Variants in GLI3 observed in about 807,000 individuals in gnomAD.
GLI3 encodes the protein GLI family zinc finger 3.
A neutral mutation model predicts 100.8 loss-of-function variants in GLI3; 20 were observed. That is an observed-to-expected ratio of 0.20 (90% CI 0.14 to 0.29). GLI3 has a LOEUF of 0.29. Ranked by LOEUF, GLI3 falls within the 10% of genes least tolerant of loss-of-function variation. The pLI is 1.00. For synonymous variants in GLI3, 938 were observed against 860.5 expected, an observed-to-expected ratio of 1.09 and a Z score of -1.58; for missense variants, 2,040 against 2,128.5, an observed-to-expected ratio of 0.96 and a Z score of 0.82.
Position 41,962,162 on chromosome 7 carries a change from A to G in GLI3, c.*2168T>C, listed in dbSNP as rs550811338. 6.6e-6 allele frequency: 1 copy of G among 152,356 alleles called. No individual in the cohort carries two copies. The highest frequency in any genetic ancestry group is 1.9e-4 in the East Asian group (1 of 5,180). The allele number at this position is 152,356 out of a possible 1,614,324, so 9.4% of individuals were successfully genotyped here. A position where few individuals can be genotyped will look rare whatever the true frequency, so the allele number is the denominator to read the frequency against. The stretch of plus-strand genomic sequence containing the variant: ...GGTTGCATCCGAGAATACTACTGGA[A>G]GAGCCCTCTGATGGAGGAGGTCAGC... On this transcript the variant is annotated 3_prime_UTR_variant, in exon 15 of 15. Coordinates refer to ENST00000395925, the MANE Select transcript of GLI3 (RefSeq NM_000168.6).
At chr7:41,999,281 A>C (rs1788220670) in intron 10 of GLI3, among the ~76,000 whole-genome samples, 1 of 151,202 alleles carries the variant, frequency 6.6e-6, no homozygotes, top group Admixed American at 6.6e-5. Context: ...AGCACTGAAA[A>C]CTCACCCCAC....
chr7:42,107,306 G>A (rs983957272), intron 3 of GLI3, among the ~76,000 whole-genome samples: 1 of 152,130 alleles, frequency 6.6e-6, no homozygotes, highest in African/African-American at 2.4e-5. Context: ...CTCCAGCCTG[G>A]GCGACAGTGA....
At chr7:42,166,892 C>A (rs1176693236) in intron 2 of GLI3, among the ~76,000 whole-genome samples, 1 of 151,336 alleles carries the variant, frequency 6.6e-6, no homozygotes, top group Non-Finnish European at 1.5e-5. Context: ...ATGAGGTGAT[C>A]TCGGCTCACT....
At chr7:41,995,798 G>A (rs535413750) in intron 10 of GLI3, among the ~76,000 whole-genome samples, 1 of 152,316 alleles carries the variant, frequency 6.6e-6, no homozygotes, top group East Asian at 1.9e-4. Flanking sequence ...AAAACCGAAA[G>A]CATCCATGCA....
rs924044075 is a variant in GLI3, at chr7:42,045,308, T to C, written c.826+76A>G. On this transcript the variant is annotated intron_variant, in intron 6 of 14. Coordinates refer to ENST00000395925, the MANE Select transcript of GLI3 (RefSeq NM_000168.6). ...CAAAAAGTTACACAATCACCTAATC[T>C]TTGTATCTTCTTCTCTGTTTCATAA... 3.0e-6 allele frequency: 4 copies of C among 1,354,544 alleles called. No homozygotes were observed. In the African/African-American group the frequency reaches 5.7e-5, roughly 19 times the overall value. 83.9% of individuals were successfully genotyped at this position (1,354,544 alleles called of 1,614,324 possible). A position where few individuals can be genotyped will look rare whatever the true frequency, so the allele number is the denominator to read the frequency against.
chr7:42,229,423 A>G (rs545289159), intron 1 of GLI3, among the ~76,000 whole-genome samples: 2 of 152,304 alleles, frequency 1.3e-5, no homozygotes, highest in East Asian at 3.9e-4. Flanking sequence ...TTAAGTGAGA[A>G]ATTATTCCGT....
At chr7:42,096,602 G>T (rs977800160) in intron 3 of GLI3, among the ~76,000 whole-genome samples, 1 of 152,236 alleles carries the variant, frequency 6.6e-6, no homozygotes, top group African/African-American at 2.4e-5. Context: ...GAACTGCTAA[G>T]ATCCTCCAAG....
chr7:42,141,667 G>A (rs569607221), intron 3 of GLI3, among the ~76,000 whole-genome samples: 40 of 152,024 alleles, frequency 2.6e-4, no homozygotes, highest in East Asian at 3.9e-4. Flanking sequence ...GCAAGACTCC[G>A]CCTCAAAAAT....
rs781356257 is a variant in GLI3, at chr7:42,040,092, C to T, written c.974G>A (p.Arg325His). The stretch of plus-strand genomic sequence containing the variant: ...GGAGCCACTTGCTGAAGAGCTGCTA[C>T]GGGAATTATTGAGAATCGTGACCAA... ...NSLVTILNNS[R>H]SSSSASGSYG... Residue 325 changes from arginine (R) to histidine (H), a missense_variant, in exon 7 of 15, where the codon CGT becomes CAT. Arg to His is a conservative substitution (Grantham distance 29). Around this residue, in one of 5 missense-constraint regions of GLI3, gnomAD observed 603 missense variants for 690.9 expected, o/e 0.87. Transcript: ENST00000395925. The T allele has an allele frequency of 3.8e-5, 61 of 1,613,964 alleles. No individual in the cohort carries two copies. Among genetic ancestry groups the T allele is most frequent in the Admixed American group, 8.3e-5 (5 of 60,016 alleles).
At chr7:42,080,663 A>G (rs1784978195) in intron 3 of GLI3, among the ~76,000 whole-genome samples, 1 of 152,236 alleles carries the variant, frequency 6.6e-6, no homozygotes, top group Non-Finnish European at 1.5e-5. Flanking sequence ...TAAATGAAGA[A>G]TGAAAAGCAG....
chr7:42,245,540 G>C (rs978842197), intron 1 of GLI3, among the ~76,000 whole-genome samples: 12 of 152,044 alleles, frequency 7.9e-5, no homozygotes, highest in Non-Finnish European at 1.6e-4. Flanking sequence ...AATTAGCCAG[G>C]CTTGGTGGCA....
At chr7:42,143,916 C>T (rs543909921) in intron 3 of GLI3, among the ~76,000 whole-genome samples, 2 of 152,292 alleles carry the variant, frequency 1.3e-5, no homozygotes, top group South Asian at 4.2e-4. Context: ...CATCTTTCTG[C>T]TCCCTTTACC....
Position 41,964,409 on chromosome 7 carries a change from G to A in GLI3, c.4664C>T (p.Thr1555Ile), listed in dbSNP as rs759082153. 12 of 1,613,922 alleles carry A rather than the reference G, an allele frequency of 7.4e-6. No homozygotes were observed. Among genetic ancestry groups the A allele is most frequent in the East Asian group, 2.2e-5 (1 of 44,882 alleles). The change falls in exon 15 of 15, where the codon ACC becomes ATC. Residue 1555 changes from threonine to isoleucine, a missense_variant. Transcript: ENST00000395925. ...LPFPALSMST[T>I]NMAIGDMSSL... Reference sequence around the variant, plus strand: ...ACTCATGTCCCCGATAGCCATGTTGGTGGTGCTCATGGACAGCGCTGGGAA... The same window carrying A: ...ACTCATGTCCCCGATAGCCATGTTGATGGTGCTCATGGACAGCGCTGGGAA...
At chr7:41,987,658 AC>A (rs1333175533) in intron 10 of GLI3, among the ~76,000 whole-genome samples, 1 of 152,184 alleles carries the variant, frequency 6.6e-6, no homozygotes, top group Non-Finnish European at 1.5e-5. Flanking sequence ...AAGCCAAAAA[AC>A]ATCATACGCT....
intron 2 of GLI3, among the ~76,000 whole-genome samples, chr7:42,155,440 C>CAA (rs570132468): frequency 8.2e-6 from 1 of 121,510 alleles, no homozygotes; most frequent in African/African-American, 2.9e-5. Flanking sequence ...ACTCAGTCTC[C>CAA]AAAAAAAAAA....
intron 4 of GLI3, among the ~76,000 whole-genome samples, chr7:42,060,049 T>G (rs940769977): frequency 6.6e-6 from 1 of 152,374 alleles, no homozygotes; most frequent in East Asian, 1.9e-4. Flanking sequence ...CTTAAAAGCC[T>G]GCTTTGCTCT....
chr7:42,042,013 CTT>C (rs11324186), intron 6 of GLI3, among the ~76,000 whole-genome samples: 183 of 116,282 alleles, frequency 1.6e-3, no homozygotes, highest in African/African-American at 3.9e-3. Context: ...CAACGATTTC[CTT>C]TTTTTTTTTT....
At chr7:42,113,458 C>T in intron 3 of GLI3, 1 of 749,026 alleles carries the variant, frequency 1.3e-6, no homozygotes, top group South Asian at 1.4e-5. Context: ...GTCTGCTAAA[C>T]CTGCTCCTCC....
At chr7:42,041,122 C>T (rs568813422) in intron 6 of GLI3, among the ~76,000 whole-genome samples, 1 of 152,308 alleles carries the variant, frequency 6.6e-6, no homozygotes, top group African/African-American at 2.4e-5. Context: ...AGCATGATAA[C>T]GAGGTACAAT....
Sources: gnomAD v4.1 joint callset for allele counts (sites outside exome capture counted in the v4.1 genomes callset) on GRCh38, gnomAD v4.1.1 for gene constraint, gnomAD v4.1.1 regional missense constraint, MANE v1.5 for transcripts, NCBI Gene and HGNC (gene_info 2026-07-23, HGNC 2026-07-21) for gene names.